The following TM9SF3 variants were observed in gnomAD, a reference collection of about 807,000 sequenced individuals.
The protein encoded by TM9SF3 is SM-11044-binding protein.
Under a neutral mutation model 78.6 loss-of-function variants are expected in TM9SF3, and 14 were observed. The observed-to-expected ratio is 0.18, with a 90% confidence interval of 0.12 to 0.28. TM9SF3 has a LOEUF of 0.28. Ranked by LOEUF, TM9SF3 falls within the 10% of genes least tolerant of loss-of-function variation. TM9SF3 has a pLI of 1.00. For synonymous variants in TM9SF3, 231 were observed against 241.7 expected (o/e 0.96, Z 0.41); for missense variants, 496 against 721.9 (o/e 0.69, Z 3.59).
At chr10:96,558,130 A>G (rs1306800346) in intron 5 of TM9SF3, among the ~76,000 whole-genome samples, 3 of 152,234 alleles carry the variant, frequency 2.0e-5, no homozygotes, top group Non-Finnish European at 2.9e-5. Context: ...CAGTGGGGCT[A>G]GAATCAAGGC....
At chr10:96,562,226 T>C in intron 3 of TM9SF3, 88 bp from the exon 4 acceptor site, 2 of 1,144,758 alleles carry the variant, frequency 1.7e-6, no homozygotes, top group Non-Finnish European at 2.4e-6. Context: ...GTTTTTTTTT[T>C]TTTTTTTTTT....
chr10:96,561,907 G>T, intron 4 of TM9SF3, 71 bp downstream of exon 4: 3 of 1,326,130 alleles, frequency 2.3e-6, no homozygotes, highest in Non-Finnish European at 3.1e-6. Flanking sequence ...ATTTACTAAA[G>T]TTCAAAGCCA....
chr10:96,563,488 G>A lies in TM9SF3; in HGVS notation c.422-1350C>T, dbSNP rs188210410. ...CCCGCTGGGTTCAAGCAATTCTTATGCCTCAGCCTCCCAAGTAGCTGGGAC... is the reference window on the plus strand; with the variant it reads ...CCCGCTGGGTTCAAGCAATTCTTATACCTCAGCCTCCCAAGTAGCTGGGAC... On this transcript the variant is annotated intron_variant, in intron 3 of 14. Transcript: ENST00000371142. Among the ~76,000 whole-genome samples, 221 of 152,096 alleles carry A rather than the reference G, an allele frequency of 1.5e-3. 1 individual carries two copies. Among genetic ancestry groups the A allele is most frequent in the South Asian group, 4.1e-3 (20 of 4,820 alleles).
chr10:96,545,052 CT>C lies in TM9SF3; in HGVS notation c.1055-847del, dbSNP rs147516883. Among the ~76,000 whole-genome samples, 1,207 of 152,180 alleles carry C rather than the reference CT, an allele frequency of 7.9e-3. 20 individuals are homozygous for C. The highest frequency in any genetic ancestry group is 0.028 in the African/African-American group (1,156 of 41,530). On this transcript the variant is annotated intron_variant, in intron 8 of 14. Coordinates refer to ENST00000371142, the MANE Select transcript of TM9SF3 (RefSeq NM_020123.4). ...TGTACCTCTGTGTATTGCCAAAATT[CT>C]ATACATTGAGCTTCTATTATTCAAA... is the stretch of plus-strand genomic sequence containing the variant.
intron 1 of TM9SF3, among the ~76,000 whole-genome samples, chr10:96,580,346 A>C (rs565868594): frequency 1.3e-5 from 2 of 152,094 alleles, no homozygotes; most frequent in Admixed American, 1.3e-4. Context: ...GCTCACTGAA[A>C]GCTCCGCCTC....
At chr10:96,554,517 C>A (rs954298531) in intron 5 of TM9SF3, among the ~76,000 whole-genome samples, 2 of 152,138 alleles carry the variant, frequency 1.3e-5, no homozygotes, top group African/African-American at 4.8e-5. Context: ...CTTCACTGAC[C>A]GCTGCTTCTC....
chr10:96,551,160 T>C, intron 7 of TM9SF3, 85 bp downstream of exon 7: 1 of 1,122,664 alleles, frequency 8.9e-7, no homozygotes. Context: ...AGTAACGATT[T>C]AATTATGATT....
At chr10:96,541,214 GA>G (rs11362800) in intron 9 of TM9SF3, among the ~76,000 whole-genome samples, 151,072 of 152,258 alleles carry the variant, frequency 0.99, 74,958 homozygotes, top group Middle Eastern at 1. Flanking sequence ...GCCCACGAAA[GA>G]AAAGACTTTG....
intron 4 of TM9SF3, chr10:96,560,180 A>T: frequency 1.1e-6 from 1 of 951,414 alleles, no homozygotes; most frequent in Admixed American, 1.7e-5. Context: ...GCGTGCTGCC[A>T]CCCCATGGAA....
intron 4 of TM9SF3, among the ~76,000 whole-genome samples, chr10:96,561,599 A>G (rs1848309421): frequency 6.6e-6 from 1 of 152,252 alleles, no homozygotes; most frequent in African/African-American, 2.4e-5. Flanking sequence ...TCTATCCAGC[A>G]ACTTTCAATA....
intron 5 of TM9SF3, among the ~76,000 whole-genome samples, chr10:96,558,044 T>C (rs1848256247): frequency 1.3e-5 from 2 of 152,062 alleles, no homozygotes; most frequent in South Asian, 2.1e-4. Context: ...TTAATATGTG[T>C]TGAAGTAATA....
At chr10:96,539,296 CTG>C (rs1847995467) in intron 9 of TM9SF3, among the ~76,000 whole-genome samples, 1 of 98,644 alleles carries the variant, frequency 1.0e-5, no homozygotes, top group Non-Finnish European at 2.0e-5. Context: ...CATGGTGAAA[CTG>C]TTTGAGCCGA....
rs142145428 is a variant in TM9SF3, at chr10:96,521,513, C to T, written c.*750G>A. ...AAACAAGTATCTTCTCCATTTAACA[C>T]TTTGCTTTCTAACTGTACAGTAAAT... On this transcript the variant is annotated 3_prime_UTR_variant, in exon 15 of 15. Transcript: ENST00000371142. 2 of 152,414 alleles carry T rather than the reference C, an allele frequency of 1.3e-5. No homozygotes were observed. Among genetic ancestry groups the T allele is most frequent in the Admixed American group, 1.3e-4 (2 of 15,258 alleles). The allele number at this position is 152,414 out of a possible 1,614,324, so 9.4% of individuals were successfully genotyped here.
intron 11 of TM9SF3, among the ~76,000 whole-genome samples, chr10:96,530,262 A>T (rs547025540): frequency 2.0e-4 from 30 of 152,354 alleles, no homozygotes; most frequent in African/African-American, 7.2e-4. Flanking sequence ...ATATGATCAA[A>T]GGCTGGTCTA....
chr10:96,522,518 A>T (rs1847789618), intron 14 of TM9SF3, among the ~76,000 whole-genome samples, 188 bp from the exon 15 acceptor site: 1 of 151,978 alleles, frequency 6.6e-6, no homozygotes, highest in African/African-American at 2.4e-5. Context: ...ACCATAATAC[A>T]CTGAGTCTGA....
chr10:96,541,958 G>A (rs987351851), intron 9 of TM9SF3, among the ~76,000 whole-genome samples: 2 of 152,156 alleles, frequency 1.3e-5, no homozygotes, highest in Admixed American at 1.3e-4. Flanking sequence ...CTACAGATTG[G>A]GTTTAAAGCA....
At chr10:96,533,325 A>G in intron 9 of TM9SF3, 135 bp from the exon 10 acceptor site, 1 of 1,083,432 alleles carries the variant, frequency 9.2e-7, no homozygotes, top group South Asian at 1.7e-5. Flanking sequence ...AAATTGTGCA[A>G]GAAGTACACT....
chr10:96,534,931 G>C (rs1483899717), intron 9 of TM9SF3, among the ~76,000 whole-genome samples: 1 of 152,090 alleles, frequency 6.6e-6, no homozygotes, highest in African/African-American at 2.4e-5. Flanking sequence ...GATTAGGAAG[G>C]CTTGTAATGC....
intron 5 of TM9SF3, among the ~76,000 whole-genome samples, chr10:96,557,421 T>C (rs1848247264): frequency 2.0e-5 from 3 of 152,232 alleles, no homozygotes; most frequent in Non-Finnish European, 4.4e-5. Context: ...CTTCAAAATA[T>C]ACTCACAATC....
Sources: gnomAD v4.1 joint callset for allele counts (sites outside exome capture counted in the v4.1 genomes callset) on GRCh38, gnomAD v4.1.1 for gene constraint, MANE v1.5 for transcripts, NCBI Gene and HGNC (gene_info 2026-07-23, HGNC 2026-07-21) for gene names.